The following MICU2 variants were observed in gnomAD, a reference collection of about 807,000 sequenced individuals.
MICU2 encodes mitochondrial calcium uptake 2.
MICU2 carries 64 observed loss-of-function variants against 60.4 expected under a neutral mutation model. The ratio of observed to expected loss-of-function variants is 1.06; its 90% CI spans 0.87 to 1.31. The LOEUF (loss-of-function observed/expected upper bound fraction) is 1.31. Ranked by LOEUF, MICU2 falls within the 50% of genes most tolerant of loss-of-function variation. MICU2 has a pLI of 0.00. For missense variants in MICU2, 569 were observed against 531.0 expected (o/e 1.07, Z -0.70); for synonymous variants, 201 against 175.0 (o/e 1.15, Z -1.17).
At chr13:21,509,927 G>C (rs541295946) in intron 8 of MICU2, 77 bp downstream of exon 8, 1 of 821,282 alleles carries the variant, frequency 1.2e-6, no homozygotes, top group African/African-American at 1.8e-5. Flanking sequence ...TGCAGTTCTA[G>C]AAAATGAATA....
In MICU2 at chr13:21,526,895, T is replaced by C. The variant is rs569409662; in HGVS notation, c.467-4245A>G. Among the ~76,000 whole-genome samples the C allele has an allele frequency of 1.1e-4, 17 of 152,244 alleles. No homozygotes were observed. In the South Asian group the frequency reaches 1.9e-3, roughly 17 times the overall value. ...GACGGTGGGAATGTATTTACCCTTC[T>C]GTGCAGGACAACATACCCTAATGAC... is the stretch of plus-strand genomic sequence containing the variant. On this transcript the variant is annotated intron_variant, in intron 4 of 11. Transcript: ENST00000382374.
rs563542425 is a variant in MICU2 at position 21,544,051 on chromosome 13, T to C, written c.359-4363A>G. ...ATTTTAGTTAGAAGTACCAAGAACC[T>C]AAGTTGAGGAGAGAACACTCTCTTC... On this transcript the variant is annotated intron_variant, in intron 2 of 11. Transcript: ENST00000382374. Among the ~76,000 whole-genome samples, 24 of 152,188 alleles carry C rather than the reference T, an allele frequency of 1.6e-4. No homozygotes were observed. In the East Asian group the frequency reaches 4.4e-3, roughly 28 times the overall value.
chr13:21,549,950 T>C (rs1014463495), intron 2 of MICU2, among the ~76,000 whole-genome samples: 3 of 152,144 alleles, frequency 2.0e-5, no homozygotes, highest in African/African-American at 7.2e-5. Context: ...CGTGGATGTA[T>C]GAAAAAAACC....
intron 1 of MICU2, among the ~76,000 whole-genome samples, chr13:21,573,429 T>A (rs530357074): frequency 6.6e-6 from 1 of 152,094 alleles, no homozygotes; most frequent in Non-Finnish European, 1.5e-5. Flanking sequence ...CCCGCCACCA[T>A]GCCCGGCTAA....
intron 2 of MICU2, among the ~76,000 whole-genome samples, chr13:21,557,759 A>G (rs1887743087): frequency 6.6e-6 from 1 of 152,190 alleles, no homozygotes; most frequent in African/African-American, 2.4e-5. Context: ...AGTACATCAC[A>G]TGCATAAAGG....
intron 2 of MICU2, among the ~76,000 whole-genome samples, chr13:21,552,151 T>C (rs1887585002): frequency 6.6e-6 from 1 of 152,218 alleles, no homozygotes; most frequent in Non-Finnish European, 1.5e-5. Context: ...TGGTATCTCA[T>C]TGTGGTTTTC....
intron 1 of MICU2, among the ~76,000 whole-genome samples, chr13:21,569,561 C>A (rs1888059685): frequency 6.6e-6 from 1 of 152,016 alleles, no homozygotes; most frequent in South Asian, 2.1e-4. Flanking sequence ...CTGAAGAAAA[C>A]ACTGAATTGA....
chr13:21,512,287 A>G lies in MICU2; in HGVS notation c.663+2066T>C, dbSNP rs140314056. 2.9e-3 allele frequency among the ~76,000 whole-genome samples: 444 copies of G among 152,156 alleles called. 1 individual carries two copies. The highest frequency in any genetic ancestry group is 9.9e-3 in the African/African-American group (410 of 41,502). ...TTAAAAGTCCTTTGTCCAGTTTTTA[A>G]TTGGGTTGTTAATCACTTTGTGGTT... On this transcript the variant is annotated intron_variant, in intron 7 of 11. Transcript: ENST00000382374.
intron 6 of MICU2, among the ~76,000 whole-genome samples, chr13:21,520,113 C>T (rs761001287): frequency 2.6e-5 from 4 of 152,164 alleles, no homozygotes; most frequent in Non-Finnish European, 5.9e-5. Context: ...ACAGTATGTA[C>T]TCGTCCATGT....
At chr13:21,592,048 C>T (rs1383422782) in intron 1 of MICU2, among the ~76,000 whole-genome samples, 2 of 96,218 alleles carry the variant, frequency 2.1e-5, no homozygotes, top group Non-Finnish European at 5.7e-5. Flanking sequence ...CAAGAAAATC[C>T]TCCAAAAAAA....
chr13:21,498,277 AATG>A (rs559608452), intron 9 of MICU2, among the ~76,000 whole-genome samples: 10 of 152,044 alleles, frequency 6.6e-5, no homozygotes, highest in Non-Finnish European at 1.2e-4. Context: ...ATGAAGGATA[AATG>A]ATGAAGAGTT....
At chr13:21,524,756 G>A (rs1441845622) in intron 4 of MICU2, among the ~76,000 whole-genome samples, 1 of 152,162 alleles carries the variant, frequency 6.6e-6, no homozygotes, top group African/African-American at 2.4e-5. Context: ...CACATTAAAT[G>A]TTAACTCCTG....
chr13:21,564,941 C>T (rs906191657), intron 2 of MICU2, among the ~76,000 whole-genome samples: 2 of 152,120 alleles, frequency 1.3e-5, no homozygotes, highest in Non-Finnish European at 2.9e-5. Flanking sequence ...TTTAAATATT[C>T]CTACCTGAAG....
chr13:21,583,213 T>G (rs1297822910), intron 1 of MICU2, among the ~76,000 whole-genome samples: 1 of 152,158 alleles, frequency 6.6e-6, no homozygotes, highest in Non-Finnish European at 1.5e-5. Flanking sequence ...TGCACCACTA[T>G]GCTCTGGCCT....
Position 21,561,080 on chromosome 13 carries a change from A to C in MICU2, c.358+5717T>G, listed in dbSNP as rs142839390. ...GTGTTATTTAAAAGTGTGTCATTTA[A>C]TTTCCAAATACTCTGAGATGTTTCA... On this transcript the variant is annotated intron_variant, in intron 2 of 11. Coordinates refer to ENST00000382374, the MANE Select transcript of MICU2 (RefSeq NM_152726.3). Among the ~76,000 whole-genome samples, 1,153 of 152,256 alleles carry C rather than the reference A, an allele frequency of 7.6e-3. 11 individuals are homozygous for C. Among genetic ancestry groups the C allele is most frequent in the African/African-American group, 0.026 (1,082 of 41,536 alleles).
chr13:21,522,692 G>A, intron 4 of MICU2, 42 bp from the exon 5 acceptor site: 1 of 1,443,720 alleles, frequency 6.9e-7, no homozygotes, highest in South Asian at 1.2e-5. Context: ...GCTTTAGATG[G>A]TTTAGAATAT....
At chr13:21,560,546 T>C (rs1317140147) in intron 2 of MICU2, among the ~76,000 whole-genome samples, 1 of 152,186 alleles carries the variant, frequency 6.6e-6, no homozygotes, top group African/African-American at 2.4e-5. Flanking sequence ...TCTCCATTTT[T>C]TTCCTTCTTT....
At chr13:21,586,913 A>C (rs1888471677) in intron 1 of MICU2, among the ~76,000 whole-genome samples, 1 of 152,150 alleles carries the variant, frequency 6.6e-6, no homozygotes. Flanking sequence ...GAAGATGCTT[A>C]ATTTTGTTTT....
chr13:21,602,768 G>A (rs1309051444), intron 1 of MICU2: 3 of 152,022 alleles, frequency 2.0e-5, no homozygotes, highest in African/African-American at 7.2e-5. Flanking sequence ...TCTCTTTTTT[G>A]TTGTATCTGA....
Sources: gnomAD v4.1 joint callset for allele counts (sites outside exome capture counted in the v4.1 genomes callset) on GRCh38, gnomAD v4.1.1 for gene constraint, MANE v1.5 for transcripts, NCBI Gene and HGNC (gene_info 2026-07-23, HGNC 2026-07-21) for gene names.